The following FAM227A variants were observed in gnomAD, a reference collection of about 807,000 sequenced individuals.
The protein encoded by FAM227A is protein FAM227A.
A neutral mutation model predicts 74.7 loss-of-function variants in FAM227A; 80 were observed. The observed-to-expected ratio is 1.07, with a 90% CI of 0.89 to 1.29. The LOEUF is 1.29. Among genes scored for constraint, FAM227A ranks in the 50% most tolerant of loss-of-function variants. The pLI is 0.00. For synonymous variants in FAM227A, 237 were observed against 241.8 expected (o/e 0.98, Z 0.19); for missense variants, 654 against 683.4 (o/e 0.96, Z 0.48).
chr22:38,636,770 C>CT (rs34040804), intron 5 of FAM227A, among the ~76,000 whole-genome samples, 173 bp from the exon 6 acceptor site: 1,909 of 118,764 alleles, frequency 0.016, 51 homozygotes, highest in Admixed American at 0.063. Flanking sequence ...TACATTATTT[C>CT]TTTTTTTTTT....
intron 9 of FAM227A, among the ~76,000 whole-genome samples, chr22:38,623,480 C>T (rs183129494): frequency 8.5e-5 from 13 of 152,282 alleles, no homozygotes; most frequent in Admixed American, 8.5e-4. Context: ...GCCTGGGGAG[C>T]CCCTGCTGGC....
chr22:38,586,130 G>A lies in FAM227A; in HGVS notation c.1708C>T (p.Pro570Ser). The A allele has an allele frequency of 6.4e-7, 1 of 1,551,936 alleles. No homozygotes were observed. The highest frequency in any genetic ancestry group is 8.7e-7 in the Non-Finnish European group (1 of 1,147,054). Residue 570 changes from proline (P) to serine (S), a missense_variant, in exon 17 of 17, where the codon CCC (proline) becomes TCC (serine). Coordinates refer to ENST00000535113, the MANE Select transcript of FAM227A (RefSeq NM_001013647.2). ...VEHFFPLTSK[P>S] The stretch of plus-strand genomic sequence containing the variant: ...GTTCTAGGTTGTGGAGCTCCTCAGG[G>A]CTTGGAAGTGAGTGGAAAGAAATGT...
intron 11 of FAM227A, among the ~76,000 whole-genome samples, chr22:38,614,316 A>G (rs987511518): frequency 6.6e-6 from 1 of 152,016 alleles, no homozygotes; most frequent in Non-Finnish European, 1.5e-5. Context: ...CTTTAAAAAT[A>G]TTTATTAAAT....
chr22:38,613,130 A>T (rs5750644), intron 11 of FAM227A, among the ~76,000 whole-genome samples: 25,491 of 90,126 alleles, frequency 0.28, 3,775 homozygotes, highest in East Asian at 0.37. Context: ...ATATAATTAT[A>T]TATATAATAT....
chr22:38,650,354 C>T, intron 1 of FAM227A, 92 bp from the exon 2 acceptor site: 1 of 598,374 alleles, frequency 1.7e-6, no homozygotes, highest in Admixed American at 3.0e-5. Flanking sequence ...GATGGCAAAG[C>T]ACATGTCCCA....
chr22:38,641,551 CAAAAAAA>C (rs34059145), intron 3 of FAM227A, among the ~76,000 whole-genome samples: 2 of 109,202 alleles, frequency 1.8e-5, no homozygotes, highest in Non-Finnish European at 4.2e-5. Context: ...AACTCCATCT[CAAAAAAA>C]AAAAAAAAAA....
intron 13 of FAM227A, among the ~76,000 whole-genome samples, chr22:38,601,846 G>A (rs1264328086): frequency 6.6e-6 from 1 of 152,088 alleles, no homozygotes; most frequent in Admixed American, 6.5e-5. Context: ...GGGACAATCT[G>A]GGGAGGAACA....
intron 16 of FAM227A, 141 bp downstream of exon 16, chr22:38,591,294 G>C (rs2090928371): frequency 2.1e-6 from 3 of 1,398,878 alleles, no homozygotes; most frequent in Non-Finnish European, 2.8e-6. Context: ...ACTGCACTCA[G>C]CCTTGAGGAG....
chr22:38,614,312 A>G (rs2091530712), intron 11 of FAM227A, among the ~76,000 whole-genome samples: 1 of 152,122 alleles, frequency 6.6e-6, no homozygotes, highest in African/African-American at 2.4e-5. Context: ...TTATCTTTAA[A>G]AATATTTATT....
intron 1 of FAM227A, among the ~76,000 whole-genome samples, chr22:38,655,402 G>C (rs1025240933): frequency 1.3e-5 from 2 of 151,700 alleles, no homozygotes; most frequent in African/African-American, 2.4e-5. Context: ...ATGGTGGTGG[G>C]TGCCTGTAAT....
chr22:38,651,116 C>G (rs2092315876), intron 1 of FAM227A, among the ~76,000 whole-genome samples: 2 of 152,158 alleles, frequency 1.3e-5, no homozygotes. Context: ...CCTGACCACA[C>G]AATGCTCTTC....
chr22:38,648,075 C>G (rs2092269240), intron 2 of FAM227A, among the ~76,000 whole-genome samples: 1 of 152,024 alleles, frequency 6.6e-6, no homozygotes, highest in Non-Finnish European at 1.5e-5. Context: ...ATGGAAAGAC[C>G]TGGGGTTATT....
chr22:38,613,860 A>C (rs1220258507), intron 11 of FAM227A, among the ~76,000 whole-genome samples: 1 of 152,026 alleles, frequency 6.6e-6, no homozygotes, highest in Non-Finnish European at 1.5e-5. Flanking sequence ...AGATGAAATG[A>C]CTCATCTGAG....
chr22:38,589,701 C>T (rs982163294), intron 16 of FAM227A, among the ~76,000 whole-genome samples: 1 of 152,200 alleles, frequency 6.6e-6, no homozygotes, highest in East Asian at 1.9e-4. Flanking sequence ...ATCAGAATAG[C>T]GTGAGACTTC....
intron 11 of FAM227A, among the ~76,000 whole-genome samples, chr22:38,610,928 C>T (rs987817092): frequency 5.6e-4 from 85 of 151,908 alleles, no homozygotes; most frequent in African/African-American, 1.9e-3. Flanking sequence ...GGAGTGGTGG[C>T]AGGCACCTGT....
intron 2 of FAM227A, among the ~76,000 whole-genome samples, chr22:38,647,182 G>GT (rs1261601731): frequency 3.4e-5 from 5 of 146,832 alleles, no homozygotes; most frequent in African/African-American, 1.0e-4. Context: ...ACAATGCTGT[G>GT]TGCCAGGCAC....
At chr22:38,653,662 A>C (rs1261557872) in intron 1 of FAM227A, 3 of 152,352 alleles carry the variant, frequency 2.0e-5, no homozygotes, top group African/African-American at 7.2e-5. Context: ...GGCATGAGCC[A>C]CCGCACCCGG....
intron 15 of FAM227A, among the ~76,000 whole-genome samples, chr22:38,595,901 A>G (rs989328859): frequency 6.6e-6 from 1 of 151,910 alleles, no homozygotes; most frequent in Non-Finnish European, 1.5e-5. Flanking sequence ...CTTTGAGGAA[A>G]TATCAGAAAA....
Position 38,599,746 on chromosome 22 carries a change from C to T in FAM227A, c.1379+18G>A. ...GGGCCTGGAGCAGTGCGCACCCTGC[C>T]CACAGTGACAAGGATATGGGGTGCT... On this transcript the variant is annotated intron_variant, in intron 14 of 16. Transcript: ENST00000535113. 1.3e-6 allele frequency: 2 copies of T among 1,547,006 alleles called. No individual in the cohort carries two copies. Among genetic ancestry groups the T allele is most frequent in the Non-Finnish European group, 1.7e-6 (2 of 1,144,858 alleles).
Sources: allele counts gnomAD v4.1 joint callset (sites outside exome capture counted in the v4.1 genomes callset), GRCh38; gene constraint gnomAD v4.1.1; transcripts MANE v1.5; gene names NCBI Gene and HGNC (gene_info 2026-07-23, HGNC 2026-07-21).